The following WDR91 variants were observed in gnomAD, a reference collection of about 807,000 sequenced individuals.
WDR91 encodes WD repeat domain 91.
A neutral mutation model predicts 88.4 loss-of-function variants in WDR91; 52 were observed. That is an observed-to-expected ratio of 0.59 (90% CI 0.47 to 0.74). WDR91 has a LOEUF of 0.74. WDR91 is among the 30% of genes least tolerant of loss of function. The pLI is 0.00. For synonymous variants in WDR91, 362 were observed against 389.5 expected (o/e 0.93, Z 0.83); for missense variants, 824 against 954.5 (o/e 0.86, Z 1.80).
Position 135,198,059 on chromosome 7 carries a change from G to C in WDR91, c.984C>G (p.His328Gln), listed in dbSNP as rs750173279. 195 of 1,614,046 alleles carry C rather than the reference G, an allele frequency of 1.2e-4. No homozygotes were observed. The highest frequency in any genetic ancestry group is 1.6e-4 in the Non-Finnish European group (193 of 1,180,044). ...CATGGTCCTGCAGGCGCCGCTGCCG[G>C]TGCTGTGACCAACCGGACTCCCCAG... ...LATGESGWSQHRQRRLQDHGK... is the reference protein window; with the variant it reads ...LATGESGWSQQRQRRLQDHGK... The change falls in exon 7 of 15, where the codon CAC becomes CAG. Residue 328 changes from histidine (H) to glutamine (Q), a missense_variant. Physicochemically the swap from His to Gln is conservative, Grantham distance 24 (BLOSUM62 0). Transcript: ENST00000354475.
In WDR91 at chr7:135,193,167, A is replaced by C. The variant is rs1037216727; in HGVS notation, c.1659+64T>G. The C allele has an allele frequency of 6.4e-6, 10 of 1,559,038 alleles. No individual in the cohort carries two copies. In the African/African-American group the frequency reaches 1.4e-4, roughly 21 times the overall value. On this transcript the variant is annotated intron_variant, in intron 11 of 14. Coordinates refer to ENST00000354475, the MANE Select transcript of WDR91 (RefSeq NM_014149.4). ...AGCAAAAAGAGGGAAGAGGCTCTTCAGAAACCCAGGGGAATACAGAGTGTG... is the reference window on the plus strand; with the variant it reads ...AGCAAAAAGAGGGAAGAGGCTCTTCCGAAACCCAGGGGAATACAGAGTGTG...
At position 135,186,127 on chromosome 7, in the gene WDR91, TC is replaced by T. The variant is rs748851705; in HGVS notation, c.*23del. Reference sequence around the variant, plus strand: ...CCCCACCGCAGATAATACTGCTTCCTCGGGTGGCCCTTGGGGCAAGTCATCA... The same window carrying T: ...CCCCACCGCAGATAATACTGCTTCCTGGGTGGCCCTTGGGGCAAGTCATCA... On this transcript the variant is annotated 3_prime_UTR_variant, in exon 15 of 15. Coordinates refer to ENST00000354475, the MANE Select transcript of WDR91 (RefSeq NM_014149.4). 9 of 1,571,088 alleles carry T rather than the reference TC, an allele frequency of 5.7e-6. No individual in the cohort carries two copies. The South Asian group carries it at 1.1e-4, about 18-fold the overall frequency.
At position 135,185,495 on chromosome 7, in the gene WDR91, C is replaced by T. The variant is rs1461613676; in HGVS notation, c.*656G>A. The T allele has an allele frequency of 2.0e-5, 3 of 152,352 alleles. No individual in the cohort carries two copies. The East Asian group carries it at 5.8e-4, about 29-fold the overall frequency. 9.4% of individuals were successfully genotyped at this position (152,352 alleles called of 1,614,324 possible). A position where few individuals can be genotyped will look rare whatever the true frequency, so the allele number is the denominator to read the frequency against. On this transcript the variant is annotated 3_prime_UTR_variant, in exon 15 of 15. Coordinates refer to ENST00000354475, the MANE Select transcript of WDR91 (RefSeq NM_014149.4). ...CTGGATGGAAAGGGGCAGCCAGTAG[C>T]AGAGGCCTCAGCCCCTGCCTTCATC...
rs1176246175 is a variant in WDR91, at chr7:135,193,257, ACAG to A, written c.1630_1632del (p.Leu544del). 1 of 1,614,076 alleles carries A rather than the reference ACAG, an allele frequency of 6.2e-7. No individual in the cohort carries two copies. Among genetic ancestry groups the A allele is most frequent in the African/African-American group, 1.3e-5 (1 of 75,038 alleles). ...TGCTGCTTCATGGTTTTCGTGTCCC[ACAG>A]CAGCAGCCTGCCAGGAACCTGGTTC... On this transcript the variant is annotated inframe_deletion, in exon 11 of 15. Coordinates refer to ENST00000354475, the MANE Select transcript of WDR91 (RefSeq NM_014149.4).
intron 6 of WDR91, among the ~76,000 whole-genome samples, chr7:135,203,431 T>C (rs1364219628): frequency 2.0e-5 from 3 of 152,212 alleles, no homozygotes; most frequent in South Asian, 2.1e-4. Context: ...TCTGCAGGCA[T>C]TTCTGAAAGC....
At chr7:135,211,343 G>C (rs1832011656) in intron 1 of WDR91, 37 bp downstream of exon 1, 62 of 1,587,936 alleles carry the variant, frequency 3.9e-5, no homozygotes, top group Non-Finnish European at 5.2e-5. Context: ...GCTCCCTCGG[G>C]CCGCCTCTGC....
intron 1 of WDR91, chr7:135,210,797 A>G (rs779192324): frequency 9.2e-5 from 65 of 703,616 alleles, no homozygotes; most frequent in Non-Finnish European, 1.6e-4. Context: ...CAGTACACAC[A>G]AACATACAAA....
rs3217280 is a variant in WDR91, at chr7:135,201,778, G to GTA, written c.891+2488_891+2489dup. Among the ~76,000 whole-genome samples, 1,974 of 152,308 alleles carry GTA rather than the reference G, an allele frequency of 0.013. 137 individuals are homozygous for GTA. The East Asian group carries it at 0.21, about 16-fold the overall frequency. ...GGCTTATTTAAAAACCAATGCCATT[G>GTA]TATACTGAGTTTAAAGCAGTACATT... On this transcript the variant is annotated intron_variant, in intron 6 of 14. Coordinates refer to ENST00000354475, the MANE Select transcript of WDR91 (RefSeq NM_014149.4).
chr7:135,207,843 T>C (rs1831858181), intron 3 of WDR91, among the ~76,000 whole-genome samples: 3 of 152,214 alleles, frequency 2.0e-5, no homozygotes, highest in African/African-American at 7.2e-5. Context: ...AGCCCATATG[T>C]GTGTAAGCTA....
chr7:135,208,187 C>T (rs1831874077), intron 3 of WDR91, among the ~76,000 whole-genome samples: 1 of 152,200 alleles, frequency 6.6e-6, no homozygotes, highest in South Asian at 2.1e-4. Flanking sequence ...GCCTAGGGAG[C>T]ATGAACAATG....
At position 135,196,473 on chromosome 7, in the gene WDR91, G is replaced by C; in HGVS notation, c.1051-136C>G. The C allele has an allele frequency of 2.4e-6, 2 of 820,678 alleles. No individual in the cohort carries two copies. Among genetic ancestry groups the C allele is most frequent in the Non-Finnish European group, 3.5e-6 (2 of 568,126 alleles). 50.8% of individuals were successfully genotyped at this position (820,678 alleles called of 1,614,324 possible). Reference sequence around the variant, plus strand: ...ATTACAGAGTGGAGAGGAGAGCTCTGACCTGCGAGGGTAGTGCTCAGCTCA... The same window carrying C: ...ATTACAGAGTGGAGAGGAGAGCTCTCACCTGCGAGGGTAGTGCTCAGCTCA... On this transcript the variant is annotated intron_variant, in intron 7 of 14. Transcript: ENST00000354475. This position sits in a 1 kb window ranked among gnomAD's most constrained non-coding sequence, Gnocchi z 4.2.
chr7:135,205,793 G>T, intron 5 of WDR91, 135 bp downstream of exon 5: 1 of 1,298,280 alleles, frequency 7.7e-7, no homozygotes, highest in Non-Finnish European at 1.1e-6. Context: ...AGCAAGAGCA[G>T]TGTGTGCCAG....
At chr7:135,207,661 T>C (rs530440234) in intron 3 of WDR91, among the ~76,000 whole-genome samples, 14 of 152,312 alleles carry the variant, frequency 9.2e-5, no homozygotes, top group Admixed American at 2.6e-4. Flanking sequence ...GTTGAGCCTC[T>C]CCCTGGCAAA....
At chr7:135,207,014 T>C (rs774861125) in intron 4 of WDR91, 106 bp downstream of exon 4, 16 of 730,516 alleles carry the variant, frequency 2.2e-5, no homozygotes, top group Admixed American at 7.8e-5. Context: ...AGAAATTAGG[T>C]AGTGGCAGTG....
intron 9 of WDR91, 130 bp downstream of exon 9, chr7:135,194,804 T>C: frequency 7.9e-7 from 1 of 1,273,100 alleles, no homozygotes; most frequent in Non-Finnish European, 1.1e-6. Context: ...TGGATGTGTG[T>C]CCCTGAATCC....
At chr7:135,198,618 C>G (rs1375732561) in intron 6 of WDR91, 1 of 153,558 alleles carries the variant, frequency 6.5e-6, no homozygotes, top group Non-Finnish European at 1.4e-5. Flanking sequence ...TTGTTTTGGG[C>G]CAAGTGTGGA....
intron 11 of WDR91, among the ~76,000 whole-genome samples, chr7:135,191,364 T>C (rs1831156677): frequency 6.6e-6 from 1 of 152,234 alleles, no homozygotes; most frequent in Non-Finnish European, 1.5e-5. Context: ...TCCTAGTACT[T>C]TGGGAAGCCC....
rs1336598457 is a variant in WDR91 at position 135,185,342 on chromosome 7, C to T, written c.*809G>A. The T allele has an allele frequency of 6.6e-6, 1 of 152,122 alleles. No individual in the cohort carries two copies. The highest frequency in any genetic ancestry group is 1.5e-5 in the Non-Finnish European group (1 of 68,028). 9.4% of individuals were successfully genotyped at this position (152,122 alleles called of 1,614,324 possible). ...TGAATTTCATGTTTAGACATGAGAC[C>T]TACCAAGATACCTCATTATGTATAT... is the stretch of plus-strand genomic sequence containing the variant. On this transcript the variant is annotated 3_prime_UTR_variant, in exon 15 of 15. Transcript: ENST00000354475.
chr7:135,186,152 C>T lies in WDR91; in HGVS notation c.2243G>A (p.Ter748=), dbSNP rs1562942119. The change falls in exon 15 of 15, where the codon TGA becomes TAA. Residue 748 remains the stop codon, a stop_retained_variant. Coordinates refer to ENST00000354475, the MANE Select transcript of WDR91 (RefSeq NM_014149.4). Reference sequence around the variant, plus strand: ...TCGGGTGGCCCTTGGGGCAAGTCATCAGGCTTTATGGGCCAGGAGGGTGGT... The same window carrying T: ...TCGGGTGGCCCTTGGGGCAAGTCATTAGGCTTTATGGGCCAGGAGGGTGGT... The part of the protein sequence containing the change: ...KLTTLLAHKA[*] The T allele has an allele frequency of 6.3e-7, 1 of 1,589,972 alleles. No individual in the cohort carries two copies. Among genetic ancestry groups the T allele is most frequent in the Non-Finnish European group, 8.5e-7 (1 of 1,171,130 alleles).
Sources: gnomAD v4.1 joint callset for allele counts (sites outside exome capture counted in the v4.1 genomes callset) on GRCh38, gnomAD v4.1.1 for gene constraint, Gnocchi (gnomAD v3.1) non-coding constraint, MANE v1.5 for transcripts, NCBI Gene and HGNC (gene_info 2026-07-23, HGNC 2026-07-21) for gene names.